Variants in PDGFC observed in about 807,000 individuals in gnomAD.
The protein encoded by PDGFC is platelet derived growth factor C, also known as platelet-derived growth factor C.
PDGFC carries 12 observed loss-of-function variants against 35.5 expected under a neutral mutation model. The observed-to-expected ratio is 0.34, with a 90% confidence interval of 0.22 to 0.55. The LOEUF (loss-of-function observed/expected upper bound fraction) is 0.55. Ranked by LOEUF, PDGFC falls within the 20% of genes least tolerant of loss-of-function variation. PDGFC has a pLI of 0.91. For missense variants in PDGFC, 322 were observed against 412.4 expected (o/e 0.78, Z 1.90); for synonymous variants, 159 against 148.8 (o/e 1.07, Z -0.50).
chr4:156,827,708 G>A (rs765635424), intron 2 of PDGFC, among the ~76,000 whole-genome samples: 41 of 151,990 alleles, frequency 2.7e-4, no homozygotes, highest in East Asian at 5.8e-4. Context: ...ACATGCTTAC[G>A]CAATACCCAC....
At chr4:156,804,663 A>G (rs1731710464) in intron 3 of PDGFC, among the ~76,000 whole-genome samples, 1 of 152,036 alleles carries the variant, frequency 6.6e-6, no homozygotes, top group Admixed American at 6.6e-5. Flanking sequence ...ACATCTTTGA[A>G]TCTTCTCAAC....
intron 1 of PDGFC, among the ~76,000 whole-genome samples, chr4:156,887,315 T>C (rs1730399163): frequency 6.6e-6 from 1 of 152,196 alleles, no homozygotes; most frequent in East Asian, 1.9e-4. Context: ...TTATCTCTGC[T>C]GTTTAGTAAC....
At chr4:156,895,130 T>C (rs1236844317) in intron 1 of PDGFC, among the ~76,000 whole-genome samples, 2 of 152,172 alleles carry the variant, frequency 1.3e-5, no homozygotes, top group Non-Finnish European at 2.9e-5. Flanking sequence ...GATGACTATG[T>C]AAGTTACTGT....
intron 1 of PDGFC, among the ~76,000 whole-genome samples, chr4:156,960,669 C>T (rs929880717): frequency 1.3e-5 from 2 of 151,960 alleles, no homozygotes; most frequent in African/African-American, 4.8e-5. Context: ...GTCTCTAGGA[C>T]ACCCCATCTC....
At chr4:156,919,257 C>T (rs973326025) in intron 1 of PDGFC, among the ~76,000 whole-genome samples, 12 of 152,116 alleles carry the variant, frequency 7.9e-5, no homozygotes, top group African/African-American at 2.9e-4. Flanking sequence ...AAACTGACAA[C>T]GGAATACAGG....
At chr4:156,795,556 T>A (rs981586228) in intron 3 of PDGFC, among the ~76,000 whole-genome samples, 2 of 152,126 alleles carry the variant, frequency 1.3e-5, no homozygotes, top group Non-Finnish European at 2.9e-5. Flanking sequence ...TGTACATAAT[T>A]TTTATGATTC....
At chr4:156,771,835 TTC>T (rs1251937926) in intron 4 of PDGFC, among the ~76,000 whole-genome samples, 1 of 152,204 alleles carries the variant, frequency 6.6e-6, no homozygotes, top group African/African-American at 2.4e-5. Flanking sequence ...ATTTCACTGT[TTC>T]TGACAGACTA....
intron 1 of PDGFC, among the ~76,000 whole-genome samples, chr4:156,920,038 TC>T (rs1420210659): frequency 1.3e-5 from 2 of 152,040 alleles, no homozygotes; most frequent in Non-Finnish European, 2.9e-5. Context: ...TCCATCTTGC[TC>T]CCCTCTCCCC....
chr4:156,929,948 T>C (rs377468039), intron 1 of PDGFC, among the ~76,000 whole-genome samples: 4 of 152,176 alleles, frequency 2.6e-5, no homozygotes, highest in South Asian at 4.1e-4. Context: ...AAAAAAATCT[T>C]TGGGTCACAC....
chr4:156,892,147 A>G (rs1257653948), intron 1 of PDGFC, among the ~76,000 whole-genome samples: 1 of 152,202 alleles, frequency 6.6e-6, no homozygotes, highest in Non-Finnish European at 1.5e-5. Flanking sequence ...CCTAATTTTT[A>G]TAAAATGAGG....
intron 3 of PDGFC, among the ~76,000 whole-genome samples, chr4:156,803,806 T>A (rs536384283): frequency 6.6e-6 from 1 of 152,178 alleles, no homozygotes; most frequent in Non-Finnish European, 1.5e-5. Flanking sequence ...TGTCTTATTT[T>A]ACTAACAGTA....
intron 1 of PDGFC, among the ~76,000 whole-genome samples, chr4:156,903,086 A>AGG (rs1730828345): frequency 3.6e-5 from 2 of 56,284 alleles, no homozygotes; most frequent in African/African-American, 1.4e-4. Context: ...ATAAGGACAA[A>AGG]GAGAGAGAGA....
chr4:156,915,906 G>T (rs1281422025), intron 1 of PDGFC, among the ~76,000 whole-genome samples: 1 of 152,008 alleles, frequency 6.6e-6, no homozygotes, highest in Non-Finnish European at 1.5e-5. Context: ...CTGCCCCCAT[G>T]ACCAAAAGAA....
chr4:156,806,017 G>T (rs1366174218), intron 3 of PDGFC, among the ~76,000 whole-genome samples: 6 of 151,874 alleles, frequency 4.0e-5, no homozygotes, highest in Non-Finnish European at 8.8e-5. Context: ...CACACAGTGG[G>T]GGTTATAATG....
At chr4:156,772,100 A>T (rs1255007576) in intron 4 of PDGFC, among the ~76,000 whole-genome samples, 1 of 151,710 alleles carries the variant, frequency 6.6e-6, no homozygotes, top group African/African-American at 2.4e-5. Flanking sequence ...ATAGTTAAAA[A>T]TTATTATGGT....
intron 1 of PDGFC, among the ~76,000 whole-genome samples, chr4:156,856,472 G>C (rs549712034): frequency 6.6e-6 from 1 of 152,194 alleles, no homozygotes; most frequent in Admixed American, 6.6e-5. Flanking sequence ...ACTAGTAAAC[G>C]AGCCAGTTTC....
At chr4:156,855,173 T>C (rs1352296194) in intron 1 of PDGFC, among the ~76,000 whole-genome samples, 1 of 152,158 alleles carries the variant, frequency 6.6e-6, no homozygotes, top group African/African-American at 2.4e-5. Context: ...AGCAATTCTA[T>C]AATGTTTACC....
At position 156,808,653 on chromosome 4, in the gene PDGFC, G is replaced by T. The variant is rs150308583; in HGVS notation, c.495+2184C>A. 5.2e-3 allele frequency among the ~76,000 whole-genome samples: 787 copies of T among 152,062 alleles called. 3 individuals carry two copies. Among genetic ancestry groups the T allele is most frequent in the Middle Eastern group, 0.014 (4 of 294 alleles). On this transcript the variant is annotated intron_variant, in intron 3 of 5. Coordinates refer to ENST00000502773, the MANE Select transcript of PDGFC (RefSeq NM_016205.3). ...ACCCTGTTAGCAAAGTGTGGGGGGTGGAGGGGGTGCATGGAGGGAGGGGTG... is the reference window on the plus strand; with the variant it reads ...ACCCTGTTAGCAAAGTGTGGGGGGTTGAGGGGGTGCATGGAGGGAGGGGTG...
intron 2 of PDGFC, among the ~76,000 whole-genome samples, chr4:156,834,963 G>T (rs1729028387): frequency 6.6e-6 from 1 of 151,570 alleles, no homozygotes; most frequent in Admixed American, 6.6e-5. Context: ...AGATTTTTAA[G>T]CAGTAAAATT....
Sources: gnomAD v4.1 joint callset for allele counts (sites outside exome capture counted in the v4.1 genomes callset) on GRCh38, gnomAD v4.1.1 for gene constraint, MANE v1.5 for transcripts, NCBI Gene and HGNC (gene_info 2026-07-23, HGNC 2026-07-21) for gene names.